Variants in WBP1L observed in about 807,000 individuals in gnomAD.
WBP1L encodes the protein WW domain binding protein 1-like.
A neutral mutation model predicts 33.7 loss-of-function variants in WBP1L; 17 were observed. The ratio of observed to expected loss-of-function variants is 0.50; its 90% CI spans 0.34 to 0.76. WBP1L has a LOEUF of 0.76. WBP1L is among the 30% of genes least tolerant of loss of function. WBP1L has a pLI of 0.01. For missense variants in WBP1L, 389 were observed against 469.4 expected, an observed-to-expected ratio of 0.83 and a Z score of 1.58; for synonymous variants, 173 against 190.8, an observed-to-expected ratio of 0.91 and a Z score of 0.77.
At chr10:102,753,951 T>G (rs1175262667) in intron 1 of WBP1L, among the ~76,000 whole-genome samples, 1 of 152,200 alleles carries the variant, frequency 6.6e-6, no homozygotes, top group Non-Finnish European at 1.5e-5. Flanking sequence ...ATGGAGAAAA[T>G]ATTCGTATTT....
chr10:102,769,690 GCTGCACTGC>G (rs1254691971), intron 1 of WBP1L, among the ~76,000 whole-genome samples: 1 of 152,282 alleles, frequency 6.6e-6, no homozygotes, highest in African/African-American at 2.4e-5. Context: ...TGAGATTCTG[GCTGCACTGC>G]CTATTAGGTG....
At chr10:102,789,736 A>C (rs1843469002) in intron 1 of WBP1L, among the ~76,000 whole-genome samples, 1 of 151,004 alleles carries the variant, frequency 6.6e-6, no homozygotes, top group South Asian at 2.1e-4. Context: ...TATTATCTGG[A>C]AATTTTGTAT....
In WBP1L at chr10:102,797,407, C is replaced by G. The variant is rs551500143; in HGVS notation, c.91-586C>G. Among the ~76,000 whole-genome samples the G allele has an allele frequency of 9.5e-4, 144 of 152,312 alleles. 1 individual carries two copies. The highest frequency in any genetic ancestry group is 1.1e-3 in the Non-Finnish European group (73 of 68,034). On this transcript the variant is annotated intron_variant, in intron 1 of 3. Transcript: ENST00000448841. ...TACTTGGACCTAAAGTGAGGCAGCCCTTGCCTGTCCTGTCTGAGGAAAACT... is the reference window on the plus strand; with the variant it reads ...TACTTGGACCTAAAGTGAGGCAGCCGTTGCCTGTCCTGTCTGAGGAAAACT...
chr10:102,753,401 GT>G (rs1564753020), intron 1 of WBP1L, among the ~76,000 whole-genome samples: 1 of 152,188 alleles, frequency 6.6e-6, no homozygotes, highest in Non-Finnish European at 1.5e-5. Context: ...AGAAACACAA[GT>G]AAATCCAGAA....
chr10:102,810,350 ACTTCCTCC>A (rs1291348943), intron 3 of WBP1L, among the ~76,000 whole-genome samples: 1 of 144,712 alleles, frequency 6.9e-6, no homozygotes, highest in East Asian at 2.0e-4. Flanking sequence ...TACCTACCTA[ACTTCCTCC>A]CTTCCTCCCT....
intron 1 of WBP1L, among the ~76,000 whole-genome samples, chr10:102,770,145 C>CT (rs1346896388): frequency 1.3e-5 from 2 of 152,198 alleles, no homozygotes; most frequent in African/African-American, 4.8e-5. Flanking sequence ...CTTCAGGATT[C>CT]TTTTGTTAAT....
chr10:102,752,364 T>C (rs530289366), intron 1 of WBP1L, among the ~76,000 whole-genome samples: 1 of 152,294 alleles, frequency 6.6e-6, no homozygotes, highest in South Asian at 2.1e-4. Context: ...GAAATAACCT[T>C]GGACAGCGAG....
chr10:102,770,537 A>G (rs1459224602), intron 1 of WBP1L, among the ~76,000 whole-genome samples: 2 of 152,162 alleles, frequency 1.3e-5, no homozygotes, highest in Non-Finnish European at 1.5e-5. Context: ...CCAGATGGCA[A>G]AGGTGTGGGA....
intron 1 of WBP1L, among the ~76,000 whole-genome samples, chr10:102,748,366 C>G (rs538483757): frequency 2.0e-5 from 3 of 152,268 alleles, no homozygotes; most frequent in Admixed American, 1.3e-4. Context: ...TGGTTCCCAC[C>G]TTACCTTTAC....
intron 1 of WBP1L, chr10:102,746,154 C>A: frequency 1.0e-6 from 1 of 985,276 alleles, no homozygotes; most frequent in Non-Finnish European, 1.2e-6. Context: ...AGGTTCCTAC[C>A]AGGTCGTGGA....
At chr10:102,754,909 T>A (rs1019218082) in intron 1 of WBP1L, among the ~76,000 whole-genome samples, 7 of 149,240 alleles carry the variant, frequency 4.7e-5, no homozygotes, top group Non-Finnish European at 8.9e-5. Flanking sequence ...TTATTTATTT[T>A]TTGAGATGGA....
intron 1 of WBP1L, among the ~76,000 whole-genome samples, chr10:102,751,937 C>T (rs1842927775): frequency 6.6e-6 from 1 of 152,194 alleles, no homozygotes. Flanking sequence ...ATAATTATCA[C>T]CATTATTGCT....
chr10:102,763,505 C>T (rs375485195), intron 1 of WBP1L, among the ~76,000 whole-genome samples: 6 of 152,234 alleles, frequency 3.9e-5, no homozygotes, highest in Admixed American at 1.3e-4. Flanking sequence ...TTAAGTCATT[C>T]GCCCAGAGTA....
intron 2 of WBP1L, among the ~76,000 whole-genome samples, chr10:102,800,775 T>G (rs559099130): frequency 6.6e-6 from 1 of 152,300 alleles, no homozygotes; most frequent in Non-Finnish European, 1.5e-5. Flanking sequence ...AATGGCACTT[T>G]TTGTTGCTTT....
chr10:102,766,652 G>A lies in WBP1L; in HGVS notation c.90+22509G>A, dbSNP rs1434670551. 2.0e-5 allele frequency among the ~76,000 whole-genome samples: 3 copies of A among 151,198 alleles called. No individual in the cohort carries two copies. The East Asian group carries it at 5.9e-4, about 30-fold the overall frequency. ...ACAAAAAGCCGGCCTGGCCAACATG[G>A]TGAAACCATGTCTCTATTGAAAATA... is the stretch of plus-strand genomic sequence containing the variant. On this transcript the variant is annotated intron_variant, in intron 1 of 3. Transcript: ENST00000448841.
chr10:102,787,120 T>G (rs1256411579), intron 1 of WBP1L, among the ~76,000 whole-genome samples: 1 of 152,230 alleles, frequency 6.6e-6, no homozygotes, highest in Non-Finnish European at 1.5e-5. Flanking sequence ...CCATTCCTAG[T>G]GTCCCATTGC....
At chr10:102,773,254 T>C (rs1843216151) in intron 1 of WBP1L, among the ~76,000 whole-genome samples, 2 of 152,274 alleles carry the variant, frequency 1.3e-5, no homozygotes, top group South Asian at 4.1e-4. Context: ...ATATCAGCGC[T>C]TAGTGAACGT....
rs548074763 is a variant in WBP1L at position 102,783,563 on chromosome 10, G to A, written c.91-14430G>A. On this transcript the variant is annotated intron_variant, in intron 1 of 3. Coordinates refer to ENST00000448841, the MANE Select transcript of WBP1L (RefSeq NM_001083913.2). ...CGGAGAACAAGACTGGCTAAAACACGGTTCTGTACAAAATATTGTGCTGCA... is the reference window on the plus strand; with the variant it reads ...CGGAGAACAAGACTGGCTAAAACACAGTTCTGTACAAAATATTGTGCTGCA... Among the ~76,000 whole-genome samples the A allele has an allele frequency of 8.5e-5, 13 of 152,292 alleles. No homozygotes were observed. The East Asian group carries it at 1.2e-3, about 14-fold the overall frequency.
chr10:102,764,664 A>G (rs1843086480), intron 1 of WBP1L, among the ~76,000 whole-genome samples: 1 of 152,102 alleles, frequency 6.6e-6, no homozygotes, highest in Admixed American at 6.5e-5. Flanking sequence ...CACCCTCTAC[A>G]ACTTATTGGA....
Sources: gnomAD v4.1 joint callset for allele counts (sites outside exome capture counted in the v4.1 genomes callset) on GRCh38, gnomAD v4.1.1 for gene constraint, MANE v1.5 for transcripts, NCBI Gene and HGNC (gene_info 2026-07-23, HGNC 2026-07-21) for gene names.